The following ADPGK variants were observed in gnomAD, a reference collection of about 807,000 sequenced individuals.
ADPGK encodes ADP dependent glucokinase.
In ADPGK, 26 loss-of-function variants were observed where a neutral mutation model predicts 42.4. The observed-to-expected ratio is 0.61, with a 90% CI of 0.45 to 0.85. The LOEUF is 0.85. Ranked by LOEUF, ADPGK falls within the 40% of genes least tolerant of loss-of-function variation. ADPGK has a pLI of 0.00. For synonymous variants in ADPGK, 267 were observed against 252.6 expected (o/e 1.06, Z -0.54); for missense variants, 571 against 627.0 (o/e 0.91, Z 0.95).
intron 4 of ADPGK, among the ~76,000 whole-genome samples, chr15:72,759,804 G>A (rs1002383007): frequency 6.6e-6 from 1 of 152,192 alleles, no homozygotes; most frequent in African/African-American, 2.4e-5. Flanking sequence ...GAAACCAGAT[G>A]CCTAATCTAC....
Position 72,765,994 on chromosome 15 carries a change from A to T in ADPGK, c.523-5467T>A, listed in dbSNP as rs550800746. On this transcript the variant is annotated intron_variant, in intron 3 of 6. Transcript: ENST00000456471. ...ATTTTTAGAAGTTTTTTAATTTTTCATTTTTAGAGATAGGAATTTGCTCTA... is the reference window on the plus strand; with the variant it reads ...ATTTTTAGAAGTTTTTTAATTTTTCTTTTTTAGAGATAGGAATTTGCTCTA... Among the ~76,000 whole-genome samples the T allele has an allele frequency of 2.0e-5, 3 of 152,236 alleles. No individual in the cohort carries two copies. In the South Asian group the frequency reaches 6.2e-4, roughly 32 times the overall value.
chr15:72,774,254 G>A (rs780573113), intron 2 of ADPGK, among the ~76,000 whole-genome samples: 2 of 152,190 alleles, frequency 1.3e-5, no homozygotes, highest in African/African-American at 4.8e-5. Flanking sequence ...ACCAGACTGG[G>A]TGCCCAGCCA....
At chr15:72,782,359 AT>A (rs779727727) in intron 1 of ADPGK, among the ~76,000 whole-genome samples, 13 of 151,976 alleles carry the variant, frequency 8.6e-5, no homozygotes, top group Non-Finnish European at 1.6e-4. Flanking sequence ...ACTAAAAAAA[AT>A]AAAATAAATA....
chr15:72,774,466 T>C (rs1470636439), intron 2 of ADPGK, among the ~76,000 whole-genome samples: 1 of 152,174 alleles, frequency 6.6e-6, no homozygotes, highest in Non-Finnish European at 1.5e-5. Context: ...GCCTGGACCA[T>C]GCAGGGCTTT....
chr15:72,760,129 A>G, intron 4 of ADPGK: 1 of 206,428 alleles, frequency 4.8e-6, no homozygotes, highest in South Asian at 1.2e-4. Flanking sequence ...TTTCACTTTT[A>G]TTTGAGATGC....
rs5813692 is a variant in ADPGK, at chr15:72,782,527, C to CAAAAAA, written c.233+926_233+931dup. 7.1e-3 allele frequency among the ~76,000 whole-genome samples: 431 copies of CAAAAAA among 60,978 alleles called. 2 individuals carry two copies. The highest frequency in any genetic ancestry group is 0.013 in the African/African-American group (191 of 14,380). 40.0% of individuals were successfully genotyped at this position (60,978 alleles called of 152,430 possible). On this transcript the variant is annotated intron_variant, in intron 1 of 6. Coordinates refer to ENST00000456471, the MANE Select transcript of ADPGK (RefSeq NM_001365225.1). ...GCGACAGAGAGAGAGACCCTGTGTC[C>CAAAAAA]AAAAAAAAAAAAAAAAAAAAACCCC... is the stretch of plus-strand genomic sequence containing the variant.
Position 72,774,979 on chromosome 15 carries a change from C to T in ADPGK, c.352G>A (p.Ala118Thr). 6.2e-7 allele frequency: 1 copy of T among 1,614,170 alleles called. No homozygotes were observed. The highest frequency in any genetic ancestry group is 8.5e-7 in the Non-Finnish European group (1 of 1,180,048). ...CCCTTCCCCATGAAGTGAATGAAGG[C>T]TTCTTCCAGATCATTCCTTGAATGC... ...ILHSRNDLEEAFIHFMGKGAA... is the reference protein window; with the variant it reads ...ILHSRNDLEETFIHFMGKGAA... The change falls in exon 2 of 7, where the codon GCC becomes ACC. Residue 118 changes from alanine (A) to threonine (T), a missense_variant. By Grantham distance (58) the Ala-to-Thr change is moderately conservative. Coordinates refer to ENST00000456471, the MANE Select transcript of ADPGK (RefSeq NM_001365225.1).
Position 72,777,033 on chromosome 15 carries a change from ATT to A in ADPGK, c.234-1938_234-1937del, listed in dbSNP as rs1364402109. Among the ~76,000 whole-genome samples the A allele has an allele frequency of 2.6e-5, 4 of 152,244 alleles. No homozygotes were observed. In the East Asian group the frequency reaches 7.7e-4, roughly 29 times the overall value. Reference sequence around the variant, plus strand: ...CTCCATGACACACACAGAAGGGGCCATTCTGGACATGCACGTGGCAGTTGCTT... The same window carrying A: ...CTCCATGACACACACAGAAGGGGCCACTGGACATGCACGTGGCAGTTGCTT... On this transcript the variant is annotated intron_variant, in intron 1 of 6. Coordinates refer to ENST00000456471, the MANE Select transcript of ADPGK (RefSeq NM_001365225.1).
intron 2 of ADPGK, among the ~76,000 whole-genome samples, chr15:72,772,631 C>T (rs184632716): frequency 1.3e-5 from 2 of 152,290 alleles, no homozygotes; most frequent in East Asian, 3.9e-4. Flanking sequence ...GGGTACACAA[C>T]TAGGTCCTTC....
chr15:72,765,014 T>A (rs1336197688), intron 3 of ADPGK, among the ~76,000 whole-genome samples: 6 of 139,788 alleles, frequency 4.3e-5, no homozygotes, highest in African/African-American at 7.9e-5. Flanking sequence ...AAAAAAAAAA[T>A]GTTTGAAGTA....
At chr15:72,772,703 C>T (rs540469017) in intron 2 of ADPGK, among the ~76,000 whole-genome samples, 19 of 152,200 alleles carry the variant, frequency 1.2e-4, no homozygotes, top group East Asian at 3.9e-4. Flanking sequence ...TTTTGAGAAA[C>T]GAAGAAACAC....
intron 2 of ADPGK, among the ~76,000 whole-genome samples, chr15:72,772,720 G>A (rs1424981532): frequency 1.3e-5 from 2 of 152,292 alleles, no homozygotes; most frequent in East Asian, 3.9e-4. Context: ...ACACACTGAT[G>A]TGTTGGGAAA....
rs951325556 is a variant in ADPGK at position 72,757,810 on chromosome 15, A to G, written c.644-1363T>C. On this transcript the variant is annotated intron_variant, in intron 4 of 6. Transcript: ENST00000456471. ...AGCAAGACGTGGACTCAACCCTTGAATAGTGACACTGCTAGGAAACACGAC... is the reference window on the plus strand; with the variant it reads ...AGCAAGACGTGGACTCAACCCTTGAGTAGTGACACTGCTAGGAAACACGAC... 1.1e-5 allele frequency: 4 copies of G among 350,830 alleles called. No homozygotes were observed. In the Admixed American group the frequency reaches 1.7e-4, roughly 15 times the overall value. The allele number at this position is 350,830 out of a possible 1,614,324, so 21.7% of individuals were successfully genotyped here.
chr15:72,775,215 C>T (rs1299051093), intron 1 of ADPGK, 118 bp from the exon 2 acceptor site: 3 of 813,964 alleles, frequency 3.7e-6, no homozygotes, highest in Non-Finnish European at 6.0e-6. Context: ...GGAAGTAGGT[C>T]TGAAACCTGA....
chr15:72,752,055 T>G lies in ADPGK; in HGVS notation c.*286A>C. 2.6e-6 allele frequency: 1 copy of G among 378,314 alleles called. No homozygotes were observed. The allele number at this position is 378,314 out of a possible 1,614,324, so 23.4% of individuals were successfully genotyped here. A position where few individuals can be genotyped will look rare whatever the true frequency, so the allele number is the denominator to read the frequency against. On this transcript the variant is annotated 3_prime_UTR_variant, in exon 7 of 7. Coordinates refer to ENST00000456471, the MANE Select transcript of ADPGK (RefSeq NM_001365225.1). ...TCTCCAGCTGACATGCTCTCAGGGGTGAAGAAGTTTAGCTTAAAATACCTG... is the reference window on the plus strand; with the variant it reads ...TCTCCAGCTGACATGCTCTCAGGGGGGAAGAAGTTTAGCTTAAAATACCTG...
chr15:72,782,544 AAAAAC>A (rs984652647), intron 1 of ADPGK, among the ~76,000 whole-genome samples: 1 of 150,960 alleles, frequency 6.6e-6, no homozygotes, highest in African/African-American at 2.4e-5. Flanking sequence ...AAAAAAAAAA[AAAAAC>A]CCCAAAATTA....
chr15:72,753,192 C>G (rs527633168), intron 6 of ADPGK, among the ~76,000 whole-genome samples: 1 of 152,316 alleles, frequency 6.6e-6, no homozygotes, highest in South Asian at 2.1e-4. Context: ...TTTCCATGGT[C>G]CCTAGCTTTT....
intron 5 of ADPGK, chr15:72,755,947 T>C (rs1354251445): frequency 1.5e-6 from 1 of 650,584 alleles, no homozygotes; most frequent in Non-Finnish European, 2.8e-6. Flanking sequence ...TGAAGTGAGA[T>C]GATACAAATA....
intron 3 of ADPGK, among the ~76,000 whole-genome samples, chr15:72,768,661 A>C (rs1362537753): frequency 6.6e-6 from 1 of 151,154 alleles, no homozygotes. Flanking sequence ...GCGAGACTCC[A>C]TCTTAAGAAA....
Sources: allele counts gnomAD v4.1 joint callset (sites outside exome capture counted in the v4.1 genomes callset), GRCh38; gene constraint gnomAD v4.1.1; transcripts MANE v1.5; gene names NCBI Gene and HGNC (gene_info 2026-07-23, HGNC 2026-07-21).